The following NCALD variants were observed in gnomAD, a reference collection of about 807,000 sequenced individuals.
NCALD encodes neurocalcin-delta.
In NCALD, 10 loss-of-function variants were observed where a neutral mutation model predicts 18.6. The observed-to-expected ratio is 0.54, with a 90% CI of 0.33 to 0.91. The LOEUF (loss-of-function observed/expected upper bound fraction) is 0.91. Among genes scored for constraint, NCALD ranks in the 40% least tolerant of loss-of-function variants. NCALD has a pLI of 0.03. For synonymous variants in NCALD, 88 were observed against 87.4 expected, an observed-to-expected ratio of 1.01 and a Z score of -0.04; for missense variants, 184 against 247.6, an observed-to-expected ratio of 0.74 and a Z score of 1.72.
chr8:101,814,948 A>C (rs1813438424), intron 4 of NCALD, among the ~76,000 whole-genome samples: 1 of 152,094 alleles, frequency 6.6e-6, no homozygotes, highest in Admixed American at 6.6e-5. Context: ...AAAACTATAA[A>C]ACTTTGATGA....
intron 4 of NCALD, among the ~76,000 whole-genome samples, chr8:101,858,266 G>A (rs1028600092): frequency 6.6e-6 from 1 of 152,164 alleles, no homozygotes; most frequent in Non-Finnish European, 1.5e-5. Flanking sequence ...GATCTATAGA[G>A]TGGAGCAAAA....
At chr8:101,876,514 C>G (rs1433624638) in intron 4 of NCALD, among the ~76,000 whole-genome samples, 1 of 152,142 alleles carries the variant, frequency 6.6e-6, no homozygotes, top group Non-Finnish European at 1.5e-5. Context: ...TGTAGGCATC[C>G]TTTACTACTT....
At chr8:101,875,421 C>T (rs993159976) in intron 4 of NCALD, among the ~76,000 whole-genome samples, 2 of 152,204 alleles carry the variant, frequency 1.3e-5, no homozygotes, top group Admixed American at 6.5e-5. Context: ...CCTCACTGAC[C>T]CTGTCCCTTT....
At chr8:102,000,881 A>G (rs1821430434) in intron 2 of NCALD, among the ~76,000 whole-genome samples, 1 of 152,236 alleles carries the variant, frequency 6.6e-6, no homozygotes, top group Non-Finnish European at 1.5e-5. Flanking sequence ...TCTGTACGTC[A>G]CCATCATCAA....
intron 2 of NCALD, among the ~76,000 whole-genome samples, chr8:101,995,151 A>G (rs893084725): frequency 6.6e-6 from 1 of 152,224 alleles, no homozygotes; most frequent in Non-Finnish European, 1.5e-5. Context: ...TCTTGAGAAC[A>G]GGAACTCTGT....
chr8:101,863,623 C>T (rs1586652964), intron 4 of NCALD, among the ~76,000 whole-genome samples: 1 of 152,132 alleles, frequency 6.6e-6, no homozygotes, highest in Non-Finnish European at 1.5e-5. Flanking sequence ...CATTCCTGCA[C>T]TGAATGAAAT....
intron 2 of NCALD, chr8:101,986,395 G>A (rs1820813637): frequency 1.3e-5 from 2 of 152,276 alleles, no homozygotes; most frequent in African/African-American, 2.4e-5. Flanking sequence ...AACTGGTTCT[G>A]AACATGCCTT....
intron 2 of NCALD, among the ~76,000 whole-genome samples, chr8:101,695,831 C>G (rs1814964799): frequency 6.6e-6 from 1 of 152,128 alleles, no homozygotes. Flanking sequence ...GTCTTGAATA[C>G]AGTCAACTTC....
At chr8:101,775,738 C>T (rs1413093171) in intron 1 of NCALD, among the ~76,000 whole-genome samples, 2 of 152,190 alleles carry the variant, frequency 1.3e-5, no homozygotes, top group Non-Finnish European at 2.9e-5. Flanking sequence ...CCTGTGCAAC[C>T]TTCATGCAGC....
intron 2 of NCALD, among the ~76,000 whole-genome samples, chr8:102,001,210 C>T (rs368911105): frequency 8.5e-5 from 13 of 152,096 alleles, no homozygotes; most frequent in South Asian, 6.2e-4. Context: ...AACCATGGCA[C>T]GAGAACTACG....
intron 4 of NCALD, among the ~76,000 whole-genome samples, chr8:101,838,338 C>T (rs959475666): frequency 3.3e-5 from 5 of 152,178 alleles, no homozygotes; most frequent in Non-Finnish European, 7.3e-5. Context: ...TCTCCTGCCT[C>T]AGCCTCCCGA....
chr8:102,030,966 A>G (rs1202098907), intron 1 of NCALD, among the ~76,000 whole-genome samples: 1 of 152,112 alleles, frequency 6.6e-6, no homozygotes, highest in Admixed American at 6.5e-5. Flanking sequence ...ATAAAAAAAA[A>G]AAGTCAAAAT....
chr8:101,905,630 C>T (rs535726899), intron 3 of NCALD, among the ~76,000 whole-genome samples: 5 of 152,216 alleles, frequency 3.3e-5, no homozygotes, highest in Non-Finnish European at 7.3e-5. Flanking sequence ...CCTCCACACA[C>T]CACTCAATTA....
At chr8:102,078,116 A>G (rs1338574353) in intron 1 of NCALD, among the ~76,000 whole-genome samples, 3 of 151,960 alleles carry the variant, frequency 2.0e-5, no homozygotes, top group Non-Finnish European at 4.4e-5. Context: ...GTCTTCCCTC[A>G]TGTCTACAAA....
chr8:101,886,262 G>A (rs1340986350), intron 4 of NCALD, among the ~76,000 whole-genome samples: 1 of 152,180 alleles, frequency 6.6e-6, no homozygotes, highest in African/African-American at 2.4e-5. Context: ...CTTAATGGGG[G>A]AAAAGGAAGT....
chr8:102,081,545 T>TAAAAAAAAAAAAAAAAAAG, intron 1 of NCALD, among the ~76,000 whole-genome samples: 1 of 68,704 alleles, frequency 1.5e-5, no homozygotes, highest in Non-Finnish European at 2.5e-5. Flanking sequence ...CAAATAATGG[T>TAAAAAAAAAAAAAAAAAAG]AAAAAAAAAA....
At chr8:102,121,244 C>A (rs948893790) in intron 1 of NCALD, among the ~76,000 whole-genome samples, 5 of 152,018 alleles carry the variant, frequency 3.3e-5, no homozygotes, top group Admixed American at 1.3e-4. Context: ...GTTTACAACG[C>A]TTTAAAAATA....
chr8:102,082,464 T>C (rs1448778322), intron 1 of NCALD, among the ~76,000 whole-genome samples: 1 of 152,028 alleles, frequency 6.6e-6, no homozygotes, highest in East Asian at 1.9e-4. Flanking sequence ...AAGGAGCTTC[T>C]TATTGCAAAA....
chr8:101,718,811 C>T (rs1388962839), intron 2 of NCALD, among the ~76,000 whole-genome samples: 2 of 152,166 alleles, frequency 1.3e-5, no homozygotes, highest in African/African-American at 4.8e-5. Context: ...TCAGGAAAAG[C>T]CCACCAGCAT....
Sources: gnomAD v4.1 joint callset for allele counts (sites outside exome capture counted in the v4.1 genomes callset) on GRCh38, gnomAD v4.1.1 for gene constraint, MANE v1.5 for transcripts, NCBI Gene and HGNC (gene_info 2026-07-23, HGNC 2026-07-21) for gene names.